Variants in CSNK1A1 observed in about 807,000 individuals in gnomAD.
The protein encoded by CSNK1A1 is casein kinase 1 alpha 1, also known as casein kinase I isoform alpha.
A neutral mutation model predicts 46.1 loss-of-function variants in CSNK1A1; 7 were observed. That is an observed-to-expected ratio of 0.15 (90% CI 0.09 to 0.29). The LOEUF is 0.29. Ranked by LOEUF, CSNK1A1 falls within the 10% of genes least tolerant of loss-of-function variation. CSNK1A1 has a pLI of 1.00. For synonymous variants in CSNK1A1, 137 were observed against 141.5 expected (o/e 0.97, Z 0.23); for missense variants, 96 against 417.1 (o/e 0.23, Z 6.71).
intron 2 of CSNK1A1, among the ~76,000 whole-genome samples, chr5:149,536,509 A>G (rs951137661): frequency 6.6e-6 from 1 of 152,354 alleles, no homozygotes; most frequent in East Asian, 1.9e-4. Context: ...ATGAATACAA[A>G]AAGAAAACAA....
At chr5:149,499,950 G>T (rs1208566371) in intron 9 of CSNK1A1, among the ~76,000 whole-genome samples, 22 of 138,168 alleles carry the variant, frequency 1.6e-4, no homozygotes, top group African/African-American at 3.7e-4. Flanking sequence ...TGGTTGTGGG[G>T]TTTTTTTTCT....
At chr5:149,532,645 C>G (rs1401528395) in intron 2 of CSNK1A1, among the ~76,000 whole-genome samples, 1 of 151,528 alleles carries the variant, frequency 6.6e-6, no homozygotes, top group Non-Finnish European at 1.5e-5. Flanking sequence ...GCCAAGATCA[C>G]GCCATTGCAC....
rs751451373 is a variant in CSNK1A1 at position 149,520,305 on chromosome 5, C to T, written c.441G>A (p.Gly147=). Residue 147 remains glycine, a synonymous_variant, in exon 4 of 10, where the codon GGG becomes GGA. Coordinates refer to ENST00000377843, the MANE Select transcript of CSNK1A1 (RefSeq NM_001892.6). ...TTTGACTAACCTTATTACAGTGACG[C>T]CCAATACCCATTAGGAAGTTATCTG... ...IKPDNFLMGI[G]RHCNKLFLID... The T allele has an allele frequency of 2.2e-5, 36 of 1,604,902 alleles. No individual in the cohort carries two copies. The highest frequency in any genetic ancestry group is 2.5e-5 in the Non-Finnish European group (29 of 1,172,234).
Position 149,533,769 on chromosome 5 carries a change from G to A in CSNK1A1, c.231-8598C>T, listed in dbSNP as rs146905503. Among the ~76,000 whole-genome samples, 239 of 152,188 alleles carry A rather than the reference G, an allele frequency of 1.6e-3. 2 individuals carry two copies. Among genetic ancestry groups the A allele is most frequent in the African/African-American group, 4.9e-3 (202 of 41,500 alleles). ...GTGGTGGTATTGAGGGACAGCATGT[G>A]GAGAACTGGAAGGTCCAGGGAGATA... On this transcript the variant is annotated intron_variant, in intron 2 of 9. Transcript: ENST00000377843.
intron 2 of CSNK1A1, among the ~76,000 whole-genome samples, chr5:149,542,497 G>T (rs1337034989): frequency 7.5e-5 from 9 of 119,744 alleles, no homozygotes; most frequent in African/African-American, 2.3e-4. Context: ...ACCTGTCCCT[G>T]GTGCCAAAAA....
At position 149,530,886 on chromosome 5, in the gene CSNK1A1, A is replaced by T. The variant is rs187052974; in HGVS notation, c.231-5715T>A. ...GAGGCTGAGACAGGAGAATTGCTTG[A>T]ACCCAGGCAGCAGAGGTTGCCATGA... On this transcript the variant is annotated intron_variant, in intron 2 of 9. Transcript: ENST00000377843. 1.4e-3 allele frequency among the ~76,000 whole-genome samples: 211 copies of T among 149,100 alleles called. 1 individual carries two copies. The highest frequency in any genetic ancestry group is 2.7e-3 in the Non-Finnish European group (183 of 67,566).
At position 149,504,388 on chromosome 5, in the gene CSNK1A1, T is replaced by G. The variant is rs561125639; in HGVS notation, c.1006+1059A>C. 13 of 978,834 alleles carry G rather than the reference T, an allele frequency of 1.3e-5. No homozygotes were observed. In the African/African-American group the frequency reaches 1.4e-4, roughly 11 times the overall value. 60.6% of individuals were successfully genotyped at this position (978,834 alleles called of 1,614,324 possible). A position where few individuals can be genotyped will look rare whatever the true frequency, so the allele number is the denominator to read the frequency against. ...AATAGTTTAAATACAACACTAAAAATGTGAAGCAAAGATTAATCTATAAAG... is the reference window on the plus strand; with the variant it reads ...AATAGTTTAAATACAACACTAAAAAGGTGAAGCAAAGATTAATCTATAAAG... On this transcript the variant is annotated intron_variant, in intron 9 of 9. Transcript: ENST00000377843.
chr5:149,543,313 A>G (rs1038184864), intron 2 of CSNK1A1, among the ~76,000 whole-genome samples: 8 of 152,194 alleles, frequency 5.3e-5, no homozygotes, highest in Non-Finnish European at 7.3e-5. Context: ...TCTAATTTGT[A>G]TTAGTAGGAA....
chr5:149,539,338 T>C (rs1561770429), intron 2 of CSNK1A1, among the ~76,000 whole-genome samples: 2 of 152,082 alleles, frequency 1.3e-5, no homozygotes, highest in East Asian at 1.9e-4. Flanking sequence ...TGGTGGTGTA[T>C]GCCTGTAGTC....
chr5:149,538,274 G>A (rs1762125098), intron 2 of CSNK1A1, among the ~76,000 whole-genome samples: 1 of 151,812 alleles, frequency 6.6e-6, no homozygotes, highest in African/African-American at 2.4e-5. Context: ...CGCCCGCCTC[G>A]GCCACCCAAT....
chr5:149,539,735 T>C (rs1762173557), intron 2 of CSNK1A1, among the ~76,000 whole-genome samples: 1 of 152,142 alleles, frequency 6.6e-6, no homozygotes, highest in African/African-American at 2.4e-5. Context: ...TTTTTTTAAC[T>C]TTGCCATTTG....
chr5:149,541,185 A>G (rs1762218446), intron 2 of CSNK1A1, among the ~76,000 whole-genome samples: 1 of 145,416 alleles, frequency 6.9e-6, no homozygotes, highest in Non-Finnish European at 1.5e-5. Flanking sequence ...TGGAGTCTCC[A>G]TCTGTCACCC....
intron 9 of CSNK1A1, chr5:149,504,957 C>T (rs748444333): frequency 1.6e-4 from 160 of 985,434 alleles, no homozygotes; most frequent in Non-Finnish European, 1.9e-4. Context: ...GAAATTACAA[C>T]ATGTTCACAA....
intron 2 of CSNK1A1, among the ~76,000 whole-genome samples, chr5:149,544,716 G>T (rs1346905442): frequency 9.2e-6 from 1 of 108,408 alleles, no homozygotes; most frequent in African/African-American, 4.3e-5. Context: ...CCCAAAGTGA[G>T]GATGATGAGG....
At chr5:149,499,950 GTTTTTTTTCTTTTTTTCTTTTTT>G (rs1229257849) in intron 9 of CSNK1A1, among the ~76,000 whole-genome samples, 1 of 138,150 alleles carries the variant, frequency 7.2e-6, no homozygotes. Context: ...TGGTTGTGGG[GTTTTTTTTCTTTTTTTCTTTTTT>G]TTTTTTTTTT....
chr5:149,542,654 A>ATG lies in CSNK1A1; in HGVS notation c.230+7420_230+7421insCA, dbSNP rs1176379816. Among the ~76,000 whole-genome samples, 12 of 6,222 alleles carry ATG rather than the reference A, an allele frequency of 1.9e-3. 1 individual carries two copies. The highest frequency in any genetic ancestry group is 0.01 in the African/African-American group (11 of 1,062). 4.1% of individuals were successfully genotyped at this position (6,222 alleles called of 152,430 possible). A position where few individuals can be genotyped will look rare whatever the true frequency, so the allele number is the denominator to read the frequency against. On this transcript the variant is annotated intron_variant, in intron 2 of 9. Transcript: ENST00000377843. ...TATATATATATGTATATATATATAT[A>ATG]TATATATATATATATATGTATATAT...
Position 149,517,720 on chromosome 5 carries a change from C to A in CSNK1A1, c.456+2570G>T. 1.0e-6 allele frequency: 1 copy of A among 982,390 alleles called. No homozygotes were observed. The highest frequency in any genetic ancestry group is 1.6e-6 in the Non-Finnish European group (1 of 644,208). The allele number at this position is 982,390 out of a possible 1,614,324, so 60.9% of individuals were successfully genotyped here. ...TCCAGAATTAAAACAAAACAAAAAT[C>A]ATCAAAATAAAACAATAAAAAAGAA... On this transcript the variant is annotated intron_variant, in intron 4 of 9. Transcript: ENST00000377843. The surrounding 1 kb of genome is among the most constrained non-coding windows in gnomAD (Gnocchi z 4.4).
intron 2 of CSNK1A1, among the ~76,000 whole-genome samples, chr5:149,544,961 C>T (rs1762425598): frequency 6.6e-6 from 1 of 151,110 alleles, no homozygotes; most frequent in South Asian, 2.1e-4. Flanking sequence ...CACTGTGAAA[C>T]CCCGTCTCTA....
intron 8 of CSNK1A1, among the ~76,000 whole-genome samples, chr5:149,505,802 T>C (rs1390095804): frequency 6.6e-6 from 1 of 152,186 alleles, no homozygotes; most frequent in East Asian, 1.9e-4. Flanking sequence ...TCTAGGGGAA[T>C]ACTCATAAGA....
Sources: gnomAD v4.1 joint callset for allele counts (sites outside exome capture counted in the v4.1 genomes callset) on GRCh38, gnomAD v4.1.1 for gene constraint, Gnocchi (gnomAD v3.1) non-coding constraint, MANE v1.5 for transcripts, NCBI Gene and HGNC (gene_info 2026-07-23, HGNC 2026-07-21) for gene names.